ZFP82: variants seen among roughly 807,000 people sequenced by gnomAD.
The protein encoded by ZFP82 is zinc finger protein 82 homolog.
In ZFP82, 30 loss-of-function variants were observed where a neutral mutation model predicts 54.0. The ratio of observed to expected loss-of-function variants is 0.56; its 90% CI spans 0.42 to 0.75. The LOEUF (loss-of-function observed/expected upper bound fraction) is 0.75, where lower values mean the gene tolerates loss of function less well. ZFP82 is among the 30% of genes least tolerant of loss of function. The pLI is 0.00. For missense variants in ZFP82, 500 were observed against 636.8 expected (o/e 0.79, Z 2.31); for synonymous variants, 194 against 209.5 (o/e 0.93, Z 0.64).
At chr19:36,402,119 CATTTTGAGTGTT>C (rs2032394661) in intron 4 of ZFP82, among the ~76,000 whole-genome samples, 1 of 152,200 alleles carries the variant, frequency 6.6e-6, no homozygotes, top group Admixed American at 6.5e-5. Context: ...CTCTGCAATA[CATTTTGAGTGTT>C]AATAATTGCA....
downstream of ZFP82, chr19:36,384,522 A>C (rs2032095068): frequency 6.6e-6 from 1 of 152,212 alleles, no homozygotes; most frequent in Non-Finnish European, 1.5e-5. Flanking sequence ...AAATAAAATA[A>C]AACTCCATTT....
At chr19:36,403,929 G>A (rs1336247989) in intron 4 of ZFP82, among the ~76,000 whole-genome samples, 1 of 152,068 alleles carries the variant, frequency 6.6e-6, no homozygotes, top group Non-Finnish European at 1.5e-5. Flanking sequence ...TATGAGAAAA[G>A]TTGGGGGAAA....
chr19:36,403,682 G>A (rs989925193), intron 4 of ZFP82, among the ~76,000 whole-genome samples: 12 of 148,776 alleles, frequency 8.1e-5, no homozygotes, highest in African/African-American at 2.7e-4. Flanking sequence ...AAACAGCACA[G>A]ACAAGGTAAA....
chr19:36,384,224 T>C (rs1048353277), downstream of ZFP82: 2 of 152,154 alleles, frequency 1.3e-5, no homozygotes, highest in Non-Finnish European at 2.9e-5. Context: ...ATCACCTAAA[T>C]ATTGATCAAT....
intron 4 of ZFP82, among the ~76,000 whole-genome samples, chr19:36,397,240 A>T (rs1354276960): frequency 6.6e-6 from 1 of 151,720 alleles, no homozygotes; most frequent in African/African-American, 2.4e-5. Context: ...TTACAGGCAC[A>T]CACCACCACG....
chr19:36,394,175 TG>T, intron 4 of ZFP82, 65 bp from the exon 5 acceptor site: 1 of 1,367,552 alleles, frequency 7.3e-7, no homozygotes, highest in Non-Finnish European at 1.0e-6. Context: ...ACATTTCTAA[TG>T]TAGAAATAAA....
At chr19:36,405,430 A>G (rs1296045463) in intron 4 of ZFP82, 150 bp downstream of exon 4, 2 of 501,580 alleles carry the variant, frequency 4.0e-6, no homozygotes, top group Non-Finnish European at 7.1e-6. Context: ...TCCTTGGGCC[A>G]CAGACCTTTC....
At chr19:36,417,117 T>G (rs2032687142) in intron 1 of ZFP82, among the ~76,000 whole-genome samples, 1 of 149,268 alleles carries the variant, frequency 6.7e-6, no homozygotes, top group Admixed American at 6.7e-5. Context: ...TGTTTTAGAC[T>G]ATTTAAGCAT....
At chr19:36,404,457 GCTT>G (rs1227158828) in intron 4 of ZFP82, among the ~76,000 whole-genome samples, 1 of 152,196 alleles carries the variant, frequency 6.6e-6, no homozygotes. Flanking sequence ...CCAGTCCACA[GCTT>G]CTTCTTGATA....
intron 4 of ZFP82, among the ~76,000 whole-genome samples, chr19:36,397,391 C>T (rs1008677776): frequency 1.3e-5 from 2 of 151,844 alleles, no homozygotes; most frequent in African/African-American, 4.8e-5. Flanking sequence ...CCGCGCCTGG[C>T]CTCATAAACC....
rs747911386 is a variant in ZFP82 at position 36,409,027 on chromosome 19, G to A, written c.9+754C>T. On this transcript the variant is annotated intron_variant, in intron 2 of 4. Transcript: ENST00000392161. ...CACTGTATGCCTTCCTGGTTCCTGA[G>A]TTAAAGGATATTAATATAGCATAAT... Among the ~76,000 whole-genome samples, 9 of 152,038 alleles carry A rather than the reference G, an allele frequency of 5.9e-5. No individual in the cohort carries two copies. In the East Asian group the frequency reaches 1.7e-3, roughly 29 times the overall value.
intron 1 of ZFP82, among the ~76,000 whole-genome samples, chr19:36,410,743 C>T (rs188705373): frequency 5.3e-4 from 80 of 151,828 alleles, no homozygotes; most frequent in Middle Eastern, 3.4e-3. Flanking sequence ...CTTCATGATC[C>T]GCCCGCCTCG....
At chr19:36,396,563 G>A (rs1024795438) in intron 4 of ZFP82, among the ~76,000 whole-genome samples, 10 of 152,138 alleles carry the variant, frequency 6.6e-5, no homozygotes, top group African/African-American at 1.9e-4. Context: ...GGCTGAGGCA[G>A]GAGAATGGCG....
Position 36,391,478 on chromosome 19 carries a change from T to TC in ZFP82, c.*1262_*1263insG, listed in dbSNP as rs1052634324. On this transcript the variant is annotated 3_prime_UTR_variant, in exon 5 of 5. Transcript: ENST00000392161. ...CCAGAGAATACTGATTGTAGTTTTT[T>TC]TTTTTTTTTGAGACAGGGTCTTGCA... The TC allele has an allele frequency of 6.6e-6, 1 of 151,812 alleles. No homozygotes were observed. The highest frequency in any genetic ancestry group is 2.4e-5 in the African/African-American group (1 of 41,322). The allele number at this position is 151,812 out of a possible 1,614,324, so 9.4% of individuals were successfully genotyped here.
chr19:36,397,390 G>A (rs1298055965), intron 4 of ZFP82, among the ~76,000 whole-genome samples: 1 of 151,938 alleles, frequency 6.6e-6, no homozygotes, highest in Non-Finnish European at 1.5e-5. Context: ...ACCGCGCCTG[G>A]CCTCATAAAC....
At chr19:36,408,223 G>A (rs1222276633) in intron 2 of ZFP82, among the ~76,000 whole-genome samples, 2 of 152,062 alleles carry the variant, frequency 1.3e-5, no homozygotes, top group African/African-American at 4.8e-5. Context: ...TACAGACACA[G>A]ACTCTTATAC....
At chr19:36,384,532 T>G (rs2032095175), downstream of ZFP82, 1 of 152,230 alleles carries the variant, frequency 6.6e-6, no homozygotes. Context: ...AAACTCCATT[T>G]TCTTTCATAT....
At position 36,409,745 on chromosome 19, in the gene ZFP82, A is replaced by G. The variant is rs10412442; in HGVS notation, c.9+36T>C. 1,131 of 1,612,138 alleles carry G rather than the reference A, an allele frequency of 7.0e-4. 8 individuals carry two copies. The African/African-American group carries it at 0.013, about 19-fold the overall frequency. On this transcript the variant is annotated intron_variant, in intron 2 of 4. Coordinates refer to ENST00000392161, the MANE Select transcript of ZFP82 (RefSeq NM_133466.4). The stretch of plus-strand genomic sequence containing the variant: ...ATAAAAAAATGGTCACAGAACCTTA[A>G]CATGATAGTATTCCTAGGAGGAGAA...
At position 36,395,052 on chromosome 19, in the gene ZFP82, T is replaced by C. The variant is rs1481545255; in HGVS notation, c.230-942A>G. ...TCTAGTCTCTCATGCCTTACTACAGTGATTAAATATTCTCTTTATTCATCC... is the reference window on the plus strand; with the variant it reads ...TCTAGTCTCTCATGCCTTACTACAGCGATTAAATATTCTCTTTATTCATCC... On this transcript the variant is annotated intron_variant, in intron 4 of 4. Coordinates refer to ENST00000392161, the MANE Select transcript of ZFP82 (RefSeq NM_133466.4). 8 of 152,330 alleles carry C rather than the reference T, an allele frequency of 5.3e-5. No individual in the cohort carries two copies. In the East Asian group the frequency reaches 1.5e-3, roughly 29 times the overall value. The allele number at this position is 152,330 out of a possible 1,614,324, so 9.4% of individuals were successfully genotyped here.
Sources: gnomAD v4.1 joint callset for allele counts (sites outside exome capture counted in the v4.1 genomes callset) on GRCh38, gnomAD v4.1.1 for gene constraint, MANE v1.5 for transcripts, NCBI Gene and HGNC (gene_info 2026-07-23, HGNC 2026-07-21) for gene names.